TAF12: variants seen among roughly 807,000 people sequenced by gnomAD.
TAF12 encodes the protein transcription initiation factor TFIID subunit 12.
TAF12 carries 3 observed loss-of-function variants against 20.8 expected under a neutral mutation model. That is an observed-to-expected ratio of 0.14 (90% confidence interval 0.07 to 0.37). The LOEUF is 0.37. Among genes scored for constraint, TAF12 ranks in the 10% least tolerant of loss-of-function variants. TAF12 has a pLI of 1.00. For synonymous variants in TAF12, 69 were observed against 70.2 expected (o/e 0.98, Z 0.09); for missense variants, 131 against 197.9 (o/e 0.66, Z 2.03).
intron 3 of TAF12, among the ~76,000 whole-genome samples, chr1:28,614,267 TAAC>T (rs1666960050): frequency 1.3e-5 from 2 of 148,410 alleles, no homozygotes; most frequent in Non-Finnish European, 3.0e-5. Flanking sequence ...AAAAAAATAA[TAAC>T]AAATAAATAG....
At chr1:28,643,236 T>A, upstream of TAF12, 2 of 438,960 alleles carry the variant, frequency 4.6e-6, no homozygotes, top group Non-Finnish European at 6.1e-6. Context: ...CTTGCGCTTT[T>A]AACTGCTTGT....
upstream of TAF12, chr1:28,646,402 T>C (rs1557479914): frequency 2.0e-5 from 3 of 152,190 alleles, no homozygotes; most frequent in Non-Finnish European, 4.4e-5. Flanking sequence ...AAGAGCTGTT[T>C]ATTTATCTCC....
upstream of TAF12, among the ~76,000 whole-genome samples, chr1:28,646,600 G>A (rs533695925): frequency 3.3e-5 from 5 of 151,848 alleles, no homozygotes; most frequent in East Asian, 9.7e-4. Flanking sequence ...GCACAGTCTC[G>A]GCTCGCTGCA....
At chr1:28,603,648 C>A (rs1666574644) in intron 5 of TAF12, 74 bp from the exon 6 acceptor site, 7 of 1,509,292 alleles carry the variant, frequency 4.6e-6, no homozygotes, top group Middle Eastern at 3.4e-4. Context: ...TTCTGTGTGG[C>A]TAGCAGGCCT....
At chr1:28,613,462 A>G (rs868323888) in intron 3 of TAF12, 101 bp from the exon 4 acceptor site, 13 of 950,822 alleles carry the variant, frequency 1.4e-5, no homozygotes, top group Middle Eastern at 3.0e-4. Flanking sequence ...TTAGTCAGGC[A>G]TTCTAGTAGA....
At chr1:28,603,910 T>TC (rs1666583914) in intron 5 of TAF12, among the ~76,000 whole-genome samples, 1 of 147,838 alleles carries the variant, frequency 6.8e-6, no homozygotes, top group Admixed American at 6.8e-5. Context: ...CTTTCTTTCT[T>TC]TTTTTTTTTT....
chr1:28,620,615 T>C (rs549621617), intron 2 of TAF12, among the ~76,000 whole-genome samples: 35 of 151,324 alleles, frequency 2.3e-4, no homozygotes, highest in Non-Finnish European at 4.6e-4. Flanking sequence ...TTTTTGTATT[T>C]TTAGTAGAGA....
chr1:28,603,462 C>T lies in TAF12; in HGVS notation c.*77G>A. On this transcript the variant is annotated 3_prime_UTR_variant, in exon 6 of 6. Coordinates refer to ENST00000373824, the MANE Select transcript of TAF12 (RefSeq NM_005644.4). Reference sequence around the variant, plus strand: ...TCTGTAAAGCATTAAAAAAAAAAATCCAAGGATGAGATGGCTGAGTTCTCA... The same window carrying T: ...TCTGTAAAGCATTAAAAAAAAAAATTCAAGGATGAGATGGCTGAGTTCTCA... The T allele has an allele frequency of 2.7e-6, 4 of 1,499,032 alleles. No individual in the cohort carries two copies. The highest frequency in any genetic ancestry group is 3.7e-6 in the Non-Finnish European group (4 of 1,084,566). The allele number at this position is 1,499,032 out of a possible 1,614,324, so 92.9% of individuals were successfully genotyped here.
chr1:28,637,940 T>C (rs1349665811), intron 1 of TAF12, among the ~76,000 whole-genome samples: 4 of 152,098 alleles, frequency 2.6e-5, no homozygotes, highest in Non-Finnish European at 4.4e-5. Flanking sequence ...CACTTGCTGA[T>C]AGGAGTTTAA....
chr1:28,645,173 C>G (rs989442783), upstream of TAF12, among the ~76,000 whole-genome samples: 1 of 151,492 alleles, frequency 6.6e-6, no homozygotes, highest in Non-Finnish European at 1.5e-5. Flanking sequence ...GTAGCTGGGA[C>G]TACAGGCGCC....
At chr1:28,637,116 G>GT (rs796293490) in intron 1 of TAF12, among the ~76,000 whole-genome samples, 3 of 151,860 alleles carry the variant, frequency 2.0e-5, no homozygotes, top group Non-Finnish European at 4.4e-5. Flanking sequence ...GAAAAAAATG[G>GT]TAACAAGTGG....
intron 3 of TAF12, among the ~76,000 whole-genome samples, chr1:28,617,133 ATAT>A (rs929562467): frequency 1.3e-5 from 2 of 152,202 alleles, no homozygotes; most frequent in African/African-American, 4.8e-5. Context: ...AAAAAAAAGA[ATAT>A]TATAAAATTA....
chr1:28,606,589 C>A (rs1430958671), intron 4 of TAF12, among the ~76,000 whole-genome samples: 5 of 152,154 alleles, frequency 3.3e-5, no homozygotes, highest in African/African-American at 9.7e-5. Context: ...GGACAAAATT[C>A]AAGCTTCTTG....
At chr1:28,646,977 C>T (rs1392772010), upstream of TAF12, among the ~76,000 whole-genome samples, 1 of 152,050 alleles carries the variant, frequency 6.6e-6, no homozygotes, top group Non-Finnish European at 1.5e-5. Context: ...GGATTACAGG[C>T]GTGAGCCACC....
At chr1:28,631,465 C>T (rs935846317) in intron 1 of TAF12, among the ~76,000 whole-genome samples, 1 of 151,922 alleles carries the variant, frequency 6.6e-6, no homozygotes, top group Non-Finnish European at 1.5e-5. Context: ...GCGGAGGTTA[C>T]AGTGAGCTGA....
chr1:28,617,642 G>A (rs1033254562), intron 3 of TAF12, among the ~76,000 whole-genome samples: 2 of 151,766 alleles, frequency 1.3e-5, no homozygotes, highest in Admixed American at 6.6e-5. Context: ...TAGTAGAGAC[G>A]GGGTTTCACT....
rs113418227 is a variant in TAF12, at chr1:28,639,846, CT to C, written c.-85+3145del. 9.1e-4 allele frequency among the ~76,000 whole-genome samples: 132 copies of C among 145,512 alleles called. 1 individual carries two copies. Among genetic ancestry groups the C allele is most frequent in the Admixed American group, 1.7e-3 (25 of 14,434 alleles). ...ATTTAAGCCCTTGTTTTTCAAATTA[CT>C]TTTTTTTTTTTTCAGACAGAGTCTC... On this transcript the variant is annotated intron_variant, in intron 1 of 5. Coordinates refer to ENST00000373824, the MANE Select transcript of TAF12 (RefSeq NM_005644.4).
At chr1:28,603,715 G>T in intron 5 of TAF12, 141 bp from the exon 6 acceptor site, 1 of 773,690 alleles carries the variant, frequency 1.3e-6, no homozygotes, top group Non-Finnish European at 2.2e-6. Context: ...AGGCATCTCA[G>T]TAGATTCCTT....
At chr1:28,612,756 TA>T (rs1414761900) in intron 4 of TAF12, among the ~76,000 whole-genome samples, 1 of 151,888 alleles carries the variant, frequency 6.6e-6, no homozygotes, top group African/African-American at 2.4e-5. Flanking sequence ...TATAAAATTG[TA>T]TGTATATTAC....
Sources: allele counts gnomAD v4.1 joint callset (sites outside exome capture counted in the v4.1 genomes callset), GRCh38; gene constraint gnomAD v4.1.1; transcripts MANE v1.5; gene names NCBI Gene and HGNC (gene_info 2026-07-23, HGNC 2026-07-21).